CADPS2: variants seen among roughly 807,000 people sequenced by gnomAD.
CADPS2 encodes calcium dependent secretion activator 2.
In CADPS2, 93 loss-of-function variants were observed where a neutral mutation model predicts 172.5. That is an observed-to-expected ratio of 0.54 (90% CI 0.46 to 0.64). The LOEUF is 0.64. Ranked by LOEUF, CADPS2 falls within the 30% of genes least tolerant of loss-of-function variation. CADPS2 has a pLI of 0.00. For synonymous variants in CADPS2, 546 were observed against 555.2 expected (o/e 0.98, Z 0.23); for missense variants, 1,420 against 1,565.9 (o/e 0.91, Z 1.57).
intron 17 of CADPS2, among the ~76,000 whole-genome samples, chr7:122,429,787 C>T (rs1182952493): frequency 1.3e-5 from 2 of 152,002 alleles, no homozygotes; most frequent in Non-Finnish European, 1.5e-5. Context: ...TAAGGAGCCA[C>T]ATAAAACTTT....
chr7:122,489,622 A>G (rs935187765), intron 11 of CADPS2, among the ~76,000 whole-genome samples: 2 of 152,132 alleles, frequency 1.3e-5, no homozygotes, highest in Non-Finnish European at 2.9e-5. Flanking sequence ...TATTATTTTT[A>G]TCAATCTACA....
chr7:122,554,514 A>G lies in CADPS2; in HGVS notation c.1475+36T>C, dbSNP rs376112510. ...AAATAATACACTGAAATGAAATTCAATAATTCAGGAAAAAAATCCTCAAAT... is the reference window on the plus strand; with the variant it reads ...AAATAATACACTGAAATGAAATTCAGTAATTCAGGAAAAAAATCCTCAAAT... On this transcript the variant is annotated intron_variant, in intron 8 of 29. Transcript: ENST00000449022. The G allele has an allele frequency of 2.5e-5, 38 of 1,548,032 alleles. No homozygotes were observed. In the African/African-American group the frequency reaches 4.0e-4, roughly 16 times the overall value.
intron 6 of CADPS2, among the ~76,000 whole-genome samples, chr7:122,592,641 G>A (rs1028976723): frequency 6.6e-6 from 1 of 152,076 alleles, no homozygotes; most frequent in Non-Finnish European, 1.5e-5. Context: ...TATACACCAT[G>A]GAATACTATG....
In CADPS2 at chr7:122,362,545, CT is replaced by C. The variant is rs372375318; in HGVS notation, c.3388-1533del. Among the ~76,000 whole-genome samples the C allele has an allele frequency of 1.7e-4, 26 of 152,284 alleles. No individual in the cohort carries two copies. The South Asian group carries it at 5.0e-3, about 29-fold the overall frequency. On this transcript the variant is annotated intron_variant, in intron 25 of 29. Coordinates refer to ENST00000449022, the MANE Select transcript of CADPS2 (RefSeq NM_017954.11). The stretch of plus-strand genomic sequence containing the variant: ...TACAGTAAAAATGTGAAGCATTTTA[CT>C]TTATTTAGCATGAAAATCGATGAAT...
At chr7:122,699,425 C>G (rs192735350) in intron 2 of CADPS2, among the ~76,000 whole-genome samples, 2 of 152,102 alleles carry the variant, frequency 1.3e-5, no homozygotes, top group Admixed American at 6.6e-5. Context: ...GGAGATATTT[C>G]CAACAAAATG....
At chr7:122,845,215 T>C (rs1811658055) in intron 1 of CADPS2, among the ~76,000 whole-genome samples, 1 of 152,238 alleles carries the variant, frequency 6.6e-6, no homozygotes, top group East Asian at 1.9e-4. Flanking sequence ...GCTCAGCAAA[T>C]TGCCCCCACC....
At chr7:122,407,729 T>C (rs1462618221) in intron 19 of CADPS2, 33 bp from the exon 20 acceptor site, 22 of 1,568,748 alleles carry the variant, frequency 1.4e-5, no homozygotes, top group Non-Finnish European at 1.6e-5. Flanking sequence ...AGGAGAAAAG[T>C]AGATTACTTT....
chr7:122,833,761 A>G (rs1423344638), intron 1 of CADPS2, among the ~76,000 whole-genome samples: 1 of 152,286 alleles, frequency 6.6e-6, no homozygotes, highest in African/African-American at 2.4e-5. Flanking sequence ...CTTAAAAGGT[A>G]AAAGATAAGA....
At chr7:122,871,471 A>C (rs1051915705) in intron 1 of CADPS2, among the ~76,000 whole-genome samples, 1 of 151,520 alleles carries the variant, frequency 6.6e-6, no homozygotes, top group African/African-American at 2.4e-5. Context: ...ATTCCCCCCC[A>C]CAAAAAAAAA....
intron 2 of CADPS2, among the ~76,000 whole-genome samples, chr7:122,726,364 G>A (rs2091084364): frequency 1.3e-5 from 2 of 151,932 alleles, no homozygotes; most frequent in African/African-American, 2.4e-5. Flanking sequence ...ACAGGCTTGC[G>A]TACGTTACTT....
At chr7:122,569,600 C>T (rs2066930986) in intron 7 of CADPS2, among the ~76,000 whole-genome samples, 1 of 124,802 alleles carries the variant, frequency 8.0e-6, no homozygotes, top group African/African-American at 3.9e-5. Flanking sequence ...AAGAACAAAG[C>T]TGGAGGCATC....
intron 1 of CADPS2, among the ~76,000 whole-genome samples, chr7:122,807,974 A>G (rs547415041): frequency 6.6e-6 from 1 of 152,354 alleles, no homozygotes; most frequent in African/African-American, 2.4e-5. Flanking sequence ...TTTTCACTGT[A>G]GATGTAAAAC....
intron 1 of CADPS2, among the ~76,000 whole-genome samples, chr7:122,849,149 T>C (rs1240991467): frequency 1.3e-5 from 2 of 152,228 alleles, no homozygotes; most frequent in African/African-American, 4.8e-5. Context: ...TATCAAAGAT[T>C]AGCTTAATTA....
At chr7:122,617,846 A>T (rs535297264) in intron 5 of CADPS2, among the ~76,000 whole-genome samples, 2 of 152,302 alleles carry the variant, frequency 1.3e-5, no homozygotes, top group South Asian at 2.1e-4. Context: ...GATCGAGACC[A>T]TCCTGGCTAA....
intron 28 of CADPS2, among the ~76,000 whole-genome samples, chr7:122,331,341 T>A (rs940209873): frequency 6.6e-5 from 10 of 152,198 alleles, no homozygotes; most frequent in Non-Finnish European, 1.2e-4. Context: ...CATAAGAAGT[T>A]CAAGTGATTC....
At chr7:122,850,204 T>A in intron 1 of CADPS2, 1 of 1,108,970 alleles carries the variant, frequency 9.0e-7, no homozygotes. Context: ...ACCCTGAGGC[T>A]ATAACTCGCC....
At chr7:122,681,776 A>T (rs992870672) in intron 2 of CADPS2, 35 of 509,910 alleles carry the variant, frequency 6.9e-5, no homozygotes, top group Middle Eastern at 5.2e-4. Context: ...CATCTAAAAA[A>T]AAATAAATAA....
rs1005220131 is a variant in CADPS2, at chr7:122,804,486, A to G, written c.340-67418T>C. Among the ~76,000 whole-genome samples, 3 of 152,384 alleles carry G rather than the reference A, an allele frequency of 2.0e-5. No homozygotes were observed. The South Asian group carries it at 6.2e-4, about 32-fold the overall frequency. On this transcript the variant is annotated intron_variant, in intron 1 of 29. Coordinates refer to ENST00000449022, the MANE Select transcript of CADPS2 (RefSeq NM_017954.11). ...TAGAATCACTGACAGTTTGGTTTAA[A>G]GACAGAAGATCATTTAATTTATTGT...
chr7:122,742,943 T>G (rs890955435), intron 1 of CADPS2, among the ~76,000 whole-genome samples: 1 of 152,164 alleles, frequency 6.6e-6, no homozygotes, highest in East Asian at 1.9e-4. Context: ...ATATACTCCT[T>G]CAGTTTAACA....
Sources: allele counts gnomAD v4.1 joint callset (sites outside exome capture counted in the v4.1 genomes callset), GRCh38; gene constraint gnomAD v4.1.1; transcripts MANE v1.5; gene names NCBI Gene and HGNC (gene_info 2026-07-23, HGNC 2026-07-21).